Variants in MIPOL1 observed in about 807,000 individuals in gnomAD.
MIPOL1 encodes mirror-image polydactyly gene 1 protein.
MIPOL1 carries 57 observed loss-of-function variants against 60.9 expected under a neutral mutation model. The observed-to-expected ratio is 0.94, with a 90% CI of 0.76 to 1.17. The LOEUF is 1.17. Ranked by LOEUF, MIPOL1 falls within the 50% of genes most tolerant of loss-of-function variation. The pLI, the probability that MIPOL1 is intolerant of heterozygous loss-of-function variation, is 0.00. For missense variants in MIPOL1, 551 were observed against 511.6 expected (o/e 1.08, Z -0.74); for synonymous variants, 179 against 168.8 (o/e 1.06, Z -0.47).
chr14:37,411,130 A>C (rs751224980), intron 10 of MIPOL1, among the ~76,000 whole-genome samples: 1 of 152,188 alleles, frequency 6.6e-6, no homozygotes, highest in Admixed American at 6.5e-5. Flanking sequence ...CATATCAGAC[A>C]AACACTATTC....
rs1234205547 is a variant in MIPOL1, at chr14:37,200,877, TGTGTGTGTGTGTGTGTGTGTG to T, written c.-199+2774_-199+2794del. Among the ~76,000 whole-genome samples, 46 of 111,634 alleles carry T rather than the reference TGTGTGTGTGTGTGTGTGTGTG, an allele frequency of 4.1e-4. 2 individuals are homozygous for T. The highest frequency in any genetic ancestry group is 2.0e-3 in the African/African-American group (44 of 21,838). 73.2% of individuals were successfully genotyped at this position (111,634 alleles called of 152,430 possible). ...GTGTGTGTGTGTGTGTGTGTGTGTG[TGTGTGTGTGTGTGTGTGTGTG>T]TATTTTTTTTTTTTTTTTTTTTGAG... On this transcript the variant is annotated intron_variant, in intron 1 of 12. Transcript: ENST00000684589.
chr14:37,277,275 A>C (rs1220686111), intron 6 of MIPOL1: 1 of 151,306 alleles, frequency 6.6e-6, no homozygotes, highest in Non-Finnish European at 1.5e-5. Flanking sequence ...GAGATTAGAA[A>C]ATGTTTAGAT....
chr14:37,259,808 A>G (rs557289283), intron 3 of MIPOL1, among the ~76,000 whole-genome samples: 316 of 152,282 alleles, frequency 2.1e-3, no homozygotes, highest in Non-Finnish European at 3.1e-3. Context: ...TTATGAGAAA[A>G]TTAAAAATTG....
At chr14:37,446,653 A>T (rs1039319293) in intron 11 of MIPOL1, among the ~76,000 whole-genome samples, 1 of 152,216 alleles carries the variant, frequency 6.6e-6, no homozygotes, top group African/African-American at 2.4e-5. Flanking sequence ...TATTCACAAT[A>T]GCAAAGACTT....
intron 10 of MIPOL1, among the ~76,000 whole-genome samples, chr14:37,388,044 A>G (rs374356103): frequency 8.6e-5 from 13 of 152,028 alleles, no homozygotes; most frequent in East Asian, 3.9e-4. Flanking sequence ...TTGTCCAACT[A>G]TAAGTGCGAA....
rs537905887 is a variant in MIPOL1 at position 37,514,183 on chromosome 14, C to G, written c.1262+14045C>G. ...AGAGGGATATATGATCTAACAGGTA[C>G]GCTTTTCCCTTCTTTTGTTCTTAGC... On this transcript the variant is annotated intron_variant, in intron 12 of 12. Transcript: ENST00000684589. 1.1e-4 allele frequency among the ~76,000 whole-genome samples: 16 copies of G among 152,190 alleles called. No individual in the cohort carries two copies. The East Asian group carries it at 3.1e-3, about 29-fold the overall frequency.
At chr14:37,305,567 T>C (rs905101913) in intron 7 of MIPOL1, among the ~76,000 whole-genome samples, 5 of 151,600 alleles carry the variant, frequency 3.3e-5, no homozygotes, top group African/African-American at 1.2e-4. Context: ...CCCTACTCTA[T>C]ATAATCTACT....
chr14:37,255,685 G>A (rs183233190), intron 3 of MIPOL1, among the ~76,000 whole-genome samples: 2 of 151,656 alleles, frequency 1.3e-5, no homozygotes, highest in African/African-American at 2.4e-5. Context: ...AGCAAGTCAG[G>A]CTTCAAAATT....
At chr14:37,271,654 G>A (rs559481294) in intron 6 of MIPOL1, among the ~76,000 whole-genome samples, 1 of 151,688 alleles carries the variant, frequency 6.6e-6, no homozygotes. Flanking sequence ...AAAATTAATA[G>A]TTTGTTAAAA....
chr14:37,235,542 T>C (rs972541374), intron 1 of MIPOL1, among the ~76,000 whole-genome samples: 1 of 152,148 alleles, frequency 6.6e-6, no homozygotes, highest in South Asian at 2.1e-4. Flanking sequence ...AGAGGACTAT[T>C]TATTAATCAC....
intron 10 of MIPOL1, among the ~76,000 whole-genome samples, chr14:37,393,670 A>C (rs1482203469): frequency 6.6e-6 from 1 of 151,596 alleles, no homozygotes; most frequent in African/African-American, 2.4e-5. Flanking sequence ...TGGCAGGCCA[A>C]CCTTTTATTT....
At chr14:37,370,047 G>T (rs1371442489) in intron 10 of MIPOL1, 1 of 152,200 alleles carries the variant, frequency 6.6e-6, no homozygotes, top group Non-Finnish European at 1.5e-5. Context: ...ATGTGTTTGG[G>T]AAATGAATAT....
chr14:37,229,569 T>A (rs1970300600), intron 1 of MIPOL1, among the ~76,000 whole-genome samples: 1 of 152,186 alleles, frequency 6.6e-6, no homozygotes, highest in African/African-American at 2.4e-5. Flanking sequence ...ATTATTAAAT[T>A]AAGTCAACAA....
At chr14:37,526,547 T>A (rs1178452485) in intron 12 of MIPOL1, among the ~76,000 whole-genome samples, 4 of 141,140 alleles carry the variant, frequency 2.8e-5, no homozygotes, top group African/African-American at 5.2e-5. Context: ...TTTTTTGTAT[T>A]TTTTTTTTTT....
chr14:37,341,252 A>G (rs890420569), intron 9 of MIPOL1, among the ~76,000 whole-genome samples: 1 of 152,234 alleles, frequency 6.6e-6, no homozygotes, highest in Non-Finnish European at 1.5e-5. Flanking sequence ...TTTGCTTGAC[A>G]CGGGGTTGCC....
chr14:37,304,249 A>T (rs2086590290), intron 7 of MIPOL1, among the ~76,000 whole-genome samples: 1 of 151,530 alleles, frequency 6.6e-6, no homozygotes, highest in South Asian at 2.1e-4. Context: ...TCTGATCTAC[A>T]TTGTATCTCT....
chr14:37,211,744 A>G (rs1006470332), intron 1 of MIPOL1, among the ~76,000 whole-genome samples: 1 of 152,046 alleles, frequency 6.6e-6, no homozygotes, highest in Non-Finnish European at 1.5e-5. Flanking sequence ...CAGCTGGGGC[A>G]ACCAATGGAG....
chr14:37,400,684 T>G (rs1409909239), intron 10 of MIPOL1: 1 of 152,176 alleles, frequency 6.6e-6, no homozygotes, highest in Non-Finnish European at 1.5e-5. Context: ...TCCAACTACC[T>G]AAACTCCAGG....
chr14:37,456,914 G>C (rs2094482492), intron 11 of MIPOL1, among the ~76,000 whole-genome samples: 1 of 152,076 alleles, frequency 6.6e-6, no homozygotes, highest in African/African-American at 2.4e-5. Context: ...TCAAGGAATT[G>C]TTTTTACAGT....
Sources: allele counts gnomAD v4.1 joint callset (sites outside exome capture counted in the v4.1 genomes callset), GRCh38; gene constraint gnomAD v4.1.1; transcripts MANE v1.5; gene names NCBI Gene and HGNC (gene_info 2026-07-23, HGNC 2026-07-21).